Variants in CEP170 observed in about 807,000 individuals in gnomAD.
CEP170 encodes the protein centrosomal protein of 170 kDa.
CEP170 carries 21 observed loss-of-function variants against 151.9 expected under a neutral mutation model. The observed-to-expected ratio is 0.14, with a 90% CI of 0.10 to 0.20. The LOEUF (loss-of-function observed/expected upper bound fraction) is 0.20, where lower values mean the gene tolerates loss of function less well. CEP170 is among the 10% of genes least tolerant of loss of function. The pLI, the probability that CEP170 is intolerant of heterozygous loss-of-function variation, is 1.00. For synonymous variants in CEP170, 356 were observed against 648.8 expected (o/e 0.55, Z 6.86); for missense variants, 964 against 1,892.9 (o/e 0.51, Z 9.11).
rs1453615972 is a variant in CEP170 at position 243,156,401 on chromosome 1, T to G, written c.3731A>C (p.Glu1244Ala). The G allele has an allele frequency of 6.4e-7, 1 of 1,554,298 alleles. No individual in the cohort carries two copies. Among genetic ancestry groups the G allele is most frequent in the South Asian group, 1.2e-5 (1 of 84,258 alleles). ...AGGGGAATTACGGTTTGATCCAAAT[T>G]CATCTTCTGAGGTGGAAGCATAATC... Reference protein sequence around the residue: ...PTDYASTSEDEFGSNRNSPKH... With the variant: ...PTDYASTSEDAFGSNRNSPKH... The change falls in exon 14 of 20, where the codon GAA becomes GCA. Residue 1244 changes from glutamate to alanine, a missense_variant. Transcript: ENST00000366542.
intron 1 of CEP170, among the ~76,000 whole-genome samples, chr1:243,249,971 C>T (rs34379782): frequency 0.012 from 1,802 of 152,088 alleles, 21 homozygotes; most frequent in Middle Eastern, 0.037. Flanking sequence ...CTCGGGAGGC[C>T]GAGGCAGGGG....
chr1:243,239,980 A>C (rs2064660151), intron 1 of CEP170, among the ~76,000 whole-genome samples: 1 of 152,220 alleles, frequency 6.6e-6, no homozygotes. Flanking sequence ...CAATAGCCAT[A>C]CTAGAAATCT....
At chr1:243,218,850 A>T (rs901487362) in intron 3 of CEP170, among the ~76,000 whole-genome samples, 1 of 152,136 alleles carries the variant, frequency 6.6e-6, no homozygotes, top group East Asian at 1.9e-4. Flanking sequence ...TCTATTTTTT[A>T]AAAAATTGAG....
chr1:243,165,234 C>T lies in CEP170; in HGVS notation c.2726G>A (p.Arg909His). The part of the protein sequence containing the change: ...AVMAFLEAKL[R>H]EDNKTDEGPD... ...TCCTTCATCAGTTTTATTATCTTCA[C>T]GTAGTTTAGCTTCTAGAAAAGCCAT... is the stretch of plus-strand genomic sequence containing the variant. The change falls in exon 13 of 20, where the codon CGT becomes CAT. Residue 909 changes from arginine (R) to histidine (H), a missense_variant. Physicochemically the swap from Arg to His is conservative, Grantham distance 29. Transcript: ENST00000366542. 3.7e-6 allele frequency: 6 copies of T among 1,601,988 alleles called. No individual in the cohort carries two copies. The highest frequency in any genetic ancestry group is 1.3e-5 in the African/African-American group (1 of 74,216).
At chr1:243,131,433 C>T (rs1011892300) in intron 17 of CEP170, among the ~76,000 whole-genome samples, 4 of 151,912 alleles carry the variant, frequency 2.6e-5, no homozygotes, top group African/African-American at 7.3e-5. Flanking sequence ...GTCGAGGCTG[C>T]ACTGAGTGAG....
Position 243,125,315 on chromosome 1 carries a change from G to C in CEP170, c.*1134C>G, listed in dbSNP as rs1261231492. On this transcript the variant is annotated 3_prime_UTR_variant, in exon 20 of 20. Transcript: ENST00000366542. ...TCTTGTTTAGTAGCACAGGCCAAAG[G>C]CCTTTGTCGTCGTCTTGCAGGGTCC... 2.6e-5 allele frequency: 4 copies of C among 152,646 alleles called. No homozygotes were observed. Among genetic ancestry groups the C allele is most frequent in the African/African-American group, 7.2e-5 (3 of 41,456 alleles). 9.5% of individuals were successfully genotyped at this position (152,646 alleles called of 1,614,324 possible).
Position 243,216,487 on chromosome 1 carries a change from A to G in CEP170, c.196-4523T>C, listed in dbSNP as rs954514276. ...TTTTGCTTTTATCATCTTCTATTTT[A>G]TTAGATTTGAGATGGCCATGATAGC... is the stretch of plus-strand genomic sequence containing the variant. On this transcript the variant is annotated intron_variant, in intron 3 of 19. Transcript: ENST00000366542. 3.4e-4 allele frequency among the ~76,000 whole-genome samples: 52 copies of G among 151,484 alleles called. 1 individual carries two copies. The highest frequency in any genetic ancestry group is 6.6e-4 in the Non-Finnish European group (45 of 67,954).
chr1:243,153,114 G>C (rs1292921912), intron 14 of CEP170, among the ~76,000 whole-genome samples: 3 of 152,192 alleles, frequency 2.0e-5, no homozygotes, highest in Non-Finnish European at 2.9e-5. Flanking sequence ...AGATATGGTG[G>C]AAACAGAAAC....
intron 13 of CEP170, chr1:243,163,233 C>G (rs1231100316): frequency 3.3e-5 from 5 of 152,214 alleles, no homozygotes; most frequent in African/African-American, 7.2e-5. Context: ...AATTTCATAT[C>G]AACTTCCCCT....
chr1:243,146,222 T>C (rs1397043712), intron 14 of CEP170, among the ~76,000 whole-genome samples: 1 of 152,186 alleles, frequency 6.6e-6, no homozygotes, highest in Non-Finnish European at 1.5e-5. Flanking sequence ...TAGGTTTATT[T>C]GCCTCCCCAA....
At chr1:243,203,246 C>T (rs900722594) in intron 4 of CEP170, among the ~76,000 whole-genome samples, 5 of 152,086 alleles carry the variant, frequency 3.3e-5, no homozygotes, top group African/African-American at 4.8e-5. Context: ...TAGAATAACG[C>T]ATGATATCAG....
chr1:243,209,059 T>C (rs1181636440), intron 4 of CEP170, among the ~76,000 whole-genome samples: 1 of 152,260 alleles, frequency 6.6e-6, no homozygotes, highest in Non-Finnish European at 1.5e-5. Context: ...AGCTTGTATA[T>C]TTCACTGAGT....
intron 14 of CEP170, among the ~76,000 whole-genome samples, chr1:243,143,551 GTT>G: frequency 6.6e-6 from 1 of 152,014 alleles, no homozygotes; most frequent in East Asian, 1.9e-4. Flanking sequence ...TGATATTCTT[GTT>G]TTTTGAGAAA....
intron 7 of CEP170, among the ~76,000 whole-genome samples, chr1:243,195,197 T>G (rs1335226663): frequency 6.6e-6 from 1 of 151,478 alleles, no homozygotes; most frequent in Non-Finnish European, 1.5e-5. Context: ...AATTTCCAAA[T>G]TTAGTTTCGC....
chr1:243,150,028 C>T (rs1054522006), intron 14 of CEP170, among the ~76,000 whole-genome samples: 5 of 151,908 alleles, frequency 3.3e-5, no homozygotes, highest in African/African-American at 9.7e-5. Context: ...ATTCTTTTTA[C>T]TTGAATTTCA....
At chr1:243,172,050 T>C (rs1221272613) in intron 11 of CEP170, among the ~76,000 whole-genome samples, 3 of 152,192 alleles carry the variant, frequency 2.0e-5, no homozygotes, top group Admixed American at 1.3e-4. Context: ...TGTTTCCTGG[T>C]ATGATATACA....
intron 1 of CEP170, chr1:243,254,262 G>T (rs538000451): frequency 7.2e-5 from 11 of 152,106 alleles, no homozygotes; most frequent in African/African-American, 2.7e-4. Context: ...CTGTGACTTA[G>T]TATACAAATC....
At chr1:243,245,270 G>A (rs184592440) in intron 1 of CEP170, among the ~76,000 whole-genome samples, 80 of 149,238 alleles carry the variant, frequency 5.4e-4, no homozygotes, top group African/African-American at 1.9e-3. Flanking sequence ...TTTTTTTTTT[G>A]GTTGTTGTTC....
intron 10 of CEP170, among the ~76,000 whole-genome samples, chr1:243,182,563 T>G (rs1458819920): frequency 6.6e-6 from 1 of 152,154 alleles, no homozygotes; most frequent in Non-Finnish European, 1.5e-5. Flanking sequence ...GTCATTGCCC[T>G]ACTTAAATGT....
Sources: gnomAD v4.1 joint callset for allele counts (sites outside exome capture counted in the v4.1 genomes callset) on GRCh38, gnomAD v4.1.1 for gene constraint, MANE v1.5 for transcripts, NCBI Gene and HGNC (gene_info 2026-07-23, HGNC 2026-07-21) for gene names.